REXO4: variants seen among roughly 807,000 people sequenced by gnomAD.
The protein encoded by REXO4 is REX4 homolog, 3'-5' exonuclease.
In REXO4, 29 loss-of-function variants were observed where a neutral mutation model predicts 39.9. The observed-to-expected ratio is 0.73, with a 90% CI of 0.54 to 0.99. REXO4 has a LOEUF of 0.99. Ranked by LOEUF, REXO4 falls within the 50% of genes least tolerant of loss-of-function variation. REXO4 has a pLI of 0.00. For missense variants in REXO4, 524 were observed against 546.5 expected (o/e 0.96, Z 0.41); for synonymous variants, 184 against 206.2 (o/e 0.89, Z 0.92).
At chr9:133,414,114 A>G (rs1887519) in intron 2 of REXO4, among the ~76,000 whole-genome samples, 133,877 of 152,242 alleles carry the variant, frequency 0.88, 58,967 homozygotes, top group South Asian at 0.9. Flanking sequence ...TCCGTCACCC[A>G]GGCTGGAGGC....
At position 133,417,855 on chromosome 9, in the gene REXO4, T is replaced by C. The variant is rs781968355; in HGVS notation, c.-11A>G. 3.8e-6 allele frequency: 6 copies of C among 1,595,788 alleles called. No homozygotes were observed. The highest frequency in any genetic ancestry group is 5.1e-6 in the Non-Finnish European group (6 of 1,178,146). On this transcript the variant is annotated 5_prime_UTR_variant, in exon 1 of 8. Transcript: ENST00000371942. ...CTTCGCCTTCCCCATCCTGCTGCCG[T>C]CCAGCGCCTGGGCCGGCGGCCACCC...
At chr9:133,418,028 CCA>C, upstream of REXO4, 1 of 604,662 alleles carries the variant, frequency 1.7e-6, no homozygotes, top group South Asian at 2.1e-5. Flanking sequence ...CACGCACGCT[CCA>C]GTCCCCGGAA....
At chr9:133,408,182 T>C (rs1048650049) in intron 6 of REXO4, among the ~76,000 whole-genome samples, 1 of 152,072 alleles carries the variant, frequency 6.6e-6, no homozygotes, top group Non-Finnish European at 1.5e-5. Flanking sequence ...TGGCCAGGCA[T>C]GGTGGTTCAC....
At chr9:133,407,754 C>G (rs782230393) in intron 7 of REXO4, 53 bp downstream of exon 7, 25 of 1,465,678 alleles carry the variant, frequency 1.7e-5, no homozygotes, top group Non-Finnish European at 2.2e-5. Context: ...ATGTCTGGTT[C>G]CAGGTGGGAA....
chr9:133,416,785 T>C (rs1338831999), intron 1 of REXO4, among the ~76,000 whole-genome samples: 1 of 152,204 alleles, frequency 6.6e-6, no homozygotes, highest in Non-Finnish European at 1.5e-5. Flanking sequence ...TATTTCCTCA[T>C]CTGTACAATA....
intron 4 of REXO4, 109 bp from the exon 5 acceptor site, chr9:133,411,182 G>C: frequency 1.2e-6 from 1 of 860,998 alleles, no homozygotes; most frequent in South Asian, 1.4e-5. Flanking sequence ...CAAATGGTCA[G>C]GCCTGCAATG....
Position 133,417,974 on chromosome 9 carries a change from A to T in REXO4, c.-130T>A, listed in dbSNP as rs1839779921. The T allele has an allele frequency of 1.2e-6, 1 of 842,268 alleles. No individual in the cohort carries two copies. Among genetic ancestry groups the T allele is most frequent in the South Asian group, 1.8e-5 (1 of 56,766 alleles). 52.2% of individuals were successfully genotyped at this position (842,268 alleles called of 1,614,324 possible). On this transcript the variant is annotated 5_prime_UTR_variant, in exon 1 of 8. Coordinates refer to ENST00000371942, the MANE Select transcript of REXO4 (RefSeq NM_020385.4). ...ACCCACCGCAGGGACCCCGTCCAGG[A>T]AAAGACTCCGGAAGAGACCCCGCAC...
At chr9:133,412,541 G>A (rs782258663) in intron 3 of REXO4, 49 bp from the exon 4 acceptor site, 60 of 1,598,746 alleles carry the variant, frequency 3.8e-5, no homozygotes, top group Non-Finnish European at 4.8e-5. Context: ...CAGGCCACAG[G>A]GCTCCAGGTC....
intron 6 of REXO4, among the ~76,000 whole-genome samples, chr9:133,408,287 CTAAAAAAATAAAAA>C (rs2130706629): frequency 6.6e-6 from 1 of 152,078 alleles, no homozygotes; most frequent in African/African-American, 2.4e-5. Flanking sequence ...GACCCTATCT[CTAAAAAAATAAAAA>C]TAAAAAAATT....
At position 133,417,797 on chromosome 9, in the gene REXO4, G is replaced by C. The variant is rs371621214; in HGVS notation, c.48C>G (p.Pro16=). Residue 16 remains proline (P), a synonymous_variant, in exon 1 of 8, where the codon CCC becomes CCG. Transcript: ENST00000371942. ...TCTTGACAGGACCCGGCTTAGCCAC[G>C]GGGCTGCTCGGGGCGCGCTTGGAGG... ...VPASKRAPSS[P]VAKPGPVKTL... The C allele has an allele frequency of 7.3e-5, 118 of 1,607,278 alleles. No individual in the cohort carries two copies. The highest frequency in any genetic ancestry group is 3.6e-4 in the East Asian group (16 of 44,886).
intron 1 of REXO4, 29 bp downstream of exon 1, chr9:133,417,591 C>T (rs782799303): frequency 2.5e-6 from 4 of 1,605,892 alleles, no homozygotes; most frequent in Non-Finnish European, 3.4e-6. Context: ...AGCTGCGCAG[C>T]GCTCCGCCCG....
At position 133,412,509 on chromosome 9, in the gene REXO4, G is replaced by A. The variant is rs782221411; in HGVS notation, c.717-17C>T. 6.2e-7 allele frequency: 1 copy of A among 1,613,218 alleles called. No individual in the cohort carries two copies. Among genetic ancestry groups the A allele is most frequent in the Non-Finnish European group, 8.5e-7 (1 of 1,179,506 alleles). The stretch of plus-strand genomic sequence containing the variant: ...CTTGTCAGGCTGAAGGGTAACCAAA[G>A]GCTGTAGTTTAATAAACACGGCAGG... On this transcript the variant is annotated splice_polypyrimidine_tract_variant and intron_variant, in intron 3 of 7. Transcript: ENST00000371942.
intron 4 of REXO4, among the ~76,000 whole-genome samples, chr9:133,411,908 A>G (rs137891360): frequency 6.6e-6 from 1 of 152,130 alleles, no homozygotes; most frequent in Non-Finnish European, 1.5e-5. Context: ...CCTGGGCAAC[A>G]AGAGCAAAAC....
intron 4 of REXO4, 64 bp downstream of exon 4, chr9:133,412,235 A>G: frequency 2.6e-6 from 4 of 1,534,952 alleles, no homozygotes; most frequent in Non-Finnish European, 2.7e-6. Context: ...AAAGGGAACA[A>G]AAGGGAGAAA....
intron 4 of REXO4, among the ~76,000 whole-genome samples, chr9:133,411,397 C>T (rs781924770): frequency 2.0e-5 from 3 of 152,216 alleles, no homozygotes; most frequent in Non-Finnish European, 4.4e-5. Flanking sequence ...CGCCTGGCAG[C>T]GTGGTTCTGC....
intron 1 of REXO4, among the ~76,000 whole-genome samples, chr9:133,416,739 C>T (rs1474800621): frequency 1.3e-5 from 2 of 152,224 alleles, no homozygotes; most frequent in African/African-American, 4.8e-5. Context: ...GGTTCCCAGC[C>T]GCAATCTTAG....
intron 1 of REXO4, among the ~76,000 whole-genome samples, chr9:133,415,424 T>A (rs78982372): frequency 6.6e-6 from 1 of 152,002 alleles, no homozygotes; most frequent in Non-Finnish European, 1.5e-5. Context: ...TTTTTTTTTT[T>A]ACAAGATTCC....
chr9:133,407,939 C>A (rs1839001235), intron 6 of REXO4, 58 bp from the exon 7 acceptor site: 3 of 1,389,672 alleles, frequency 2.2e-6, no homozygotes, highest in African/African-American at 2.9e-5. Flanking sequence ...AAGAGGGTCA[C>A]CCCACCAAGC....
At chr9:133,408,440 CAG>C (rs1340136985) in intron 6 of REXO4, among the ~76,000 whole-genome samples, 1 of 149,840 alleles carries the variant, frequency 6.7e-6, no homozygotes, top group Non-Finnish European at 1.5e-5. Context: ...GCCTGGGTGA[CAG>C]AGCAAGACCC....
Sources: allele counts gnomAD v4.1 joint callset (sites outside exome capture counted in the v4.1 genomes callset), GRCh38; gene constraint gnomAD v4.1.1; transcripts MANE v1.5; gene names NCBI Gene and HGNC (gene_info 2026-07-23, HGNC 2026-07-21).